FAM135A: variants seen among roughly 807,000 people sequenced by gnomAD.
FAM135A encodes protein FAM135A.
FAM135A carries 79 observed loss-of-function variants against 146.8 expected under a neutral mutation model. That is an observed-to-expected ratio of 0.54 (90% CI 0.45 to 0.65). The LOEUF (loss-of-function observed/expected upper bound fraction) is 0.65, where lower values mean the gene tolerates loss of function less well. FAM135A is among the 30% of genes least tolerant of loss of function. The probability of loss-of-function intolerance (pLI) is 0.00; values close to 1 mark genes in which losing one functional copy is unlikely to be tolerated. For missense variants in FAM135A, 1,623 were observed against 1,758.2 expected (o/e 0.92, Z 1.38); for synonymous variants, 562 against 603.6 (o/e 0.93, Z 1.01).
intron 20 of FAM135A, among the ~76,000 whole-genome samples, chr6:70,550,013 A>G (rs1002774210): frequency 1.3e-5 from 2 of 152,204 alleles, no homozygotes; most frequent in African/African-American, 2.4e-5. Flanking sequence ...CTGTTCATCT[A>G]TAAGAAGCAA....
At chr6:70,553,836 A>G (rs1354371968) in intron 20 of FAM135A, among the ~76,000 whole-genome samples, 2 of 152,230 alleles carry the variant, frequency 1.3e-5, no homozygotes, top group Admixed American at 6.5e-5. Context: ...AATAGCAGTG[A>G]TACTGGTAAG....
chr6:70,522,069 A>G (rs1381328697), intron 12 of FAM135A, among the ~76,000 whole-genome samples: 8 of 152,102 alleles, frequency 5.3e-5, no homozygotes, highest in Admixed American at 4.6e-4. Context: ...AGCACCTGCC[A>G]CCATGCCCCA....
chr6:70,473,975 G>A (rs62420332), intron 5 of FAM135A, among the ~76,000 whole-genome samples: 2,416 of 152,206 alleles, frequency 0.016, 27 homozygotes, highest in Non-Finnish European at 0.025. Context: ...CATCCTGCTT[G>A]GGCTCCCAAT....
At chr6:70,534,373 G>C (rs991779663) in intron 18 of FAM135A, among the ~76,000 whole-genome samples, 1 of 135,074 alleles carries the variant, frequency 7.4e-6, no homozygotes, top group Non-Finnish European at 1.5e-5. Flanking sequence ...AGGCTAGAGA[G>C]CAGTGGCGCC....
At chr6:70,414,628 T>C (rs1028663498) in intron 1 of FAM135A, among the ~76,000 whole-genome samples, 2 of 152,184 alleles carry the variant, frequency 1.3e-5, no homozygotes, top group Non-Finnish European at 2.9e-5. Context: ...TGCTGCTTTC[T>C]GCCTAAGCTA....
At chr6:70,491,943 T>C (rs1322349654) in intron 11 of FAM135A, among the ~76,000 whole-genome samples, 2 of 151,842 alleles carry the variant, frequency 1.3e-5, no homozygotes, top group Non-Finnish European at 3.0e-5. Context: ...CTGTAGATAA[T>C]CACTAAAAGA....
rs896884776 is a variant in FAM135A, at chr6:70,544,770, G to A, written c.4228+6369G>A. On this transcript the variant is annotated intron_variant, in intron 20 of 21. Coordinates refer to ENST00000418814, the MANE Select transcript of FAM135A (RefSeq NM_001162529.3). Reference sequence around the variant, plus strand: ...TTAAAAAAAAATAAAGCCCACTAGCGCTAGGCACAGTGGCTCACGCCTGTA... The same window carrying A: ...TTAAAAAAAAATAAAGCCCACTAGCACTAGGCACAGTGGCTCACGCCTGTA... Among the ~76,000 whole-genome samples the A allele has an allele frequency of 9.2e-5, 14 of 151,546 alleles. No individual in the cohort carries two copies. In the East Asian group the frequency reaches 2.0e-3, roughly 21 times the overall value.
intron 10 of FAM135A, among the ~76,000 whole-genome samples, chr6:70,482,697 A>G (rs1309217072): frequency 6.6e-6 from 1 of 152,150 alleles, no homozygotes; most frequent in Non-Finnish European, 1.5e-5. Context: ...CAAAAGTAAT[A>G]CCTGTATATA....
chr6:70,550,775 A>G (rs1799682481), intron 20 of FAM135A, among the ~76,000 whole-genome samples: 1 of 152,176 alleles, frequency 6.6e-6, no homozygotes, highest in Admixed American at 6.5e-5. Flanking sequence ...ATTCCTTTCT[A>G]TCTATGAAGT....
chr6:70,557,975 A>G (rs944694721), intron 21 of FAM135A, among the ~76,000 whole-genome samples: 2 of 152,216 alleles, frequency 1.3e-5, no homozygotes, highest in African/African-American at 4.8e-5. Context: ...CCACCTAAGG[A>G]AAAAATTCAG....
intron 11 of FAM135A, among the ~76,000 whole-genome samples, chr6:70,496,245 C>T (rs1044858228): frequency 5.3e-5 from 8 of 152,224 alleles, no homozygotes; most frequent in African/African-American, 1.9e-4. Context: ...ATTTACATTT[C>T]TCTAGTGACC....
chr6:70,421,606 C>G (rs1029225646), intron 2 of FAM135A, among the ~76,000 whole-genome samples: 1 of 152,174 alleles, frequency 6.6e-6, no homozygotes, highest in East Asian at 1.9e-4. Context: ...CACTTAGTTT[C>G]AGAGTCATTT....
intron 12 of FAM135A, among the ~76,000 whole-genome samples, chr6:70,513,752 T>G (rs1791585156): frequency 6.6e-6 from 1 of 152,128 alleles, no homozygotes; most frequent in South Asian, 2.1e-4. Flanking sequence ...TCTATAAATC[T>G]CAATCAGCTC....
intron 2 of FAM135A, among the ~76,000 whole-genome samples, chr6:70,416,209 ATTAGTACATTAAC>A (rs1404996500): frequency 6.6e-6 from 1 of 152,200 alleles, no homozygotes; most frequent in Admixed American, 6.5e-5. Flanking sequence ...GAGTTTTCTA[ATTAGTACATTAAC>A]TAATGTTCAC....
At chr6:70,457,801 T>C (rs1266219778) in intron 5 of FAM135A, among the ~76,000 whole-genome samples, 2 of 152,158 alleles carry the variant, frequency 1.3e-5, no homozygotes, top group African/African-American at 4.8e-5. Flanking sequence ...AGTAATGTTA[T>C]TTTGACATGA....
Position 70,525,601 on chromosome 6 carries a change from C to T in FAM135A, c.2517C>T (p.Ser839=). ...GTGAAATACAGTCATCTTTGACATC[C>T]ATAAACTCTCTACCCTCCGATGATG... ...AISEIQSSLT[S]INSLPSDDEL... is the part of the protein sequence containing the mutation. The change falls in exon 15 of 22, where the codon TCC becomes TCT. Residue 839 remains serine (S), a synonymous_variant. Coordinates refer to ENST00000418814, the MANE Select transcript of FAM135A (RefSeq NM_001162529.3). 3.1e-6 allele frequency: 5 copies of T among 1,613,490 alleles called. No homozygotes were observed. The highest frequency in any genetic ancestry group is 3.4e-6 in the Non-Finnish European group (4 of 1,179,658).
At chr6:70,543,097 G>T in intron 20 of FAM135A, among the ~76,000 whole-genome samples, 1 of 151,972 alleles carries the variant, frequency 6.6e-6, no homozygotes, top group East Asian at 1.9e-4. Context: ...TACACCGATT[G>T]AATTAACAAA....
At chr6:70,421,024 A>G (rs146879613) in intron 2 of FAM135A, among the ~76,000 whole-genome samples, 10 of 152,048 alleles carry the variant, frequency 6.6e-5, no homozygotes, top group Admixed American at 1.3e-4. Context: ...TAGGACCACA[A>G]GTGTGCACTA....
At chr6:70,469,458 A>G (rs1273177358) in intron 5 of FAM135A, among the ~76,000 whole-genome samples, 1 of 152,220 alleles carries the variant, frequency 6.6e-6, no homozygotes, top group East Asian at 1.9e-4. Flanking sequence ...TTTTGTATAC[A>G]ACTTCTTATC....
Sources: gnomAD v4.1 joint callset for allele counts (sites outside exome capture counted in the v4.1 genomes callset) on GRCh38, gnomAD v4.1.1 for gene constraint, MANE v1.5 for transcripts, NCBI Gene and HGNC (gene_info 2026-07-23, HGNC 2026-07-21) for gene names.